Variants in DDAH1 observed in about 807,000 individuals in gnomAD.
DDAH1 encodes the protein N(G),N(G)-dimethylarginine dimethylaminohydrolase 1.
A neutral mutation model predicts 28.8 loss-of-function variants in DDAH1; 19 were observed. That is an observed-to-expected ratio of 0.66 (90% CI 0.46 to 0.97). The LOEUF is 0.97. Ranked by LOEUF, DDAH1 falls within the 50% of genes least tolerant of loss-of-function variation. The probability of loss-of-function intolerance (pLI) is 0.00; values close to 1 mark genes in which losing one functional copy is unlikely to be tolerated. For missense variants in DDAH1, 326 were observed against 375.9 expected (o/e 0.87, Z 1.10); for synonymous variants, 153 against 154.4 (o/e 0.99, Z 0.07).
intron 2 of DDAH1, among the ~76,000 whole-genome samples, chr1:85,355,324 T>G (rs1649435966): frequency 6.6e-6 from 1 of 152,160 alleles, no homozygotes; most frequent in South Asian, 2.1e-4. Flanking sequence ...TTCTAGAGAA[T>G]AGAAAAAGAG....
intron 1 of DDAH1, among the ~76,000 whole-genome samples, chr1:85,450,513 C>T (rs540577486): frequency 6.6e-6 from 1 of 152,240 alleles, no homozygotes; most frequent in Admixed American, 6.5e-5. Context: ...GATATATCAT[C>T]AAGAATAGGC....
chr1:85,444,338 A>T (rs111823570), intron 1 of DDAH1, among the ~76,000 whole-genome samples: 3,561 of 152,232 alleles, frequency 0.023, 146 homozygotes, highest in African/African-American at 0.082. Context: ...CATTTGTAGA[A>T]CCAGCCTTAC....
intron 4 of DDAH1, among the ~76,000 whole-genome samples, chr1:85,346,865 AT>A (rs1307141512): frequency 6.6e-6 from 1 of 152,222 alleles, no homozygotes; most frequent in African/African-American, 2.4e-5. Context: ...CAATCTACTC[AT>A]CTGACAAAGG....
intron 1 of DDAH1, among the ~76,000 whole-genome samples, chr1:85,391,466 CTAAATAAA>C (rs555348641): frequency 1.1e-4 from 17 of 152,106 alleles, no homozygotes; most frequent in Admixed American, 1.0e-3. Flanking sequence ...GACCCCATCT[CTAAATAAA>C]TAAATAAATA....
At chr1:85,528,211 TGTG>T (rs1657939497) in intron 1 of DDAH1, among the ~76,000 whole-genome samples, 2 of 147,762 alleles carry the variant, frequency 1.4e-5, no homozygotes, top group African/African-American at 4.9e-5. Context: ...TGCATGTATA[TGTG>T]TGTAAATGTA....
chr1:85,336,687 A>C (rs181503769), intron 4 of DDAH1, among the ~76,000 whole-genome samples: 41 of 152,178 alleles, frequency 2.7e-4, no homozygotes, highest in Admixed American at 1.0e-3. Flanking sequence ...AAAGATCAAA[A>C]CAGAATTAAA....
intron 1 of DDAH1, among the ~76,000 whole-genome samples, chr1:85,391,300 C>A (rs965860650): frequency 6.6e-6 from 1 of 152,140 alleles, no homozygotes; most frequent in African/African-American, 2.4e-5. Context: ...CAGAAGACCT[C>A]CAAATATTTT....
chr1:85,402,692 G>A (rs1404135146), intron 1 of DDAH1, among the ~76,000 whole-genome samples: 1 of 152,012 alleles, frequency 6.6e-6, no homozygotes, highest in East Asian at 1.9e-4. Context: ...GGTGGATCAC[G>A]AGGTCAGGAG....
At chr1:85,323,823 A>T (rs1456084710) in intron 5 of DDAH1, among the ~76,000 whole-genome samples, 1 of 152,068 alleles carries the variant, frequency 6.6e-6, no homozygotes, top group East Asian at 1.9e-4. Flanking sequence ...ATAAAAAATT[A>T]GCCAGGTATA....
At chr1:85,439,954 T>C (rs1043727676) in intron 1 of DDAH1, among the ~76,000 whole-genome samples, 1 of 152,226 alleles carries the variant, frequency 6.6e-6, no homozygotes, top group Non-Finnish European at 1.5e-5. Context: ...TAGCCTTTGA[T>C]ATGATGTGTC....
chr1:85,502,638 C>G (rs1231232901), intron 1 of DDAH1, among the ~76,000 whole-genome samples: 2 of 152,292 alleles, frequency 1.3e-5, no homozygotes, highest in Admixed American at 1.3e-4. Context: ...GTGGCATCAC[C>G]ACCACTGCTG....
chr1:85,563,086 G>C (rs1340414228), intron 1 of DDAH1, among the ~76,000 whole-genome samples: 5 of 152,184 alleles, frequency 3.3e-5, no homozygotes, highest in Admixed American at 1.3e-4. Flanking sequence ...TTGAAAAGAA[G>C]ATCTAAGCTG....
At chr1:85,577,147 C>CG (rs2100578790) in intron 1 of DDAH1, among the ~76,000 whole-genome samples, 1 of 152,214 alleles carries the variant, frequency 6.6e-6, no homozygotes, top group East Asian at 1.9e-4. Context: ...CGGTAGCAGC[C>CG]GGGCAGGCGC....
chr1:85,420,721 C>T (rs1420356347), intron 1 of DDAH1, among the ~76,000 whole-genome samples: 1 of 152,168 alleles, frequency 6.6e-6, no homozygotes, highest in African/African-American at 2.4e-5. Flanking sequence ...TTTCCCTTAT[C>T]TTCCTGTCTT....
intron 4 of DDAH1, among the ~76,000 whole-genome samples, chr1:85,325,443 A>G (rs2100789579): frequency 6.6e-6 from 1 of 152,298 alleles, no homozygotes; most frequent in East Asian, 1.9e-4. Flanking sequence ...TGGCCTTAAT[A>G]CAATGAGCAT....
intron 1 of DDAH1, among the ~76,000 whole-genome samples, chr1:85,519,794 A>T (rs1396443981): frequency 6.6e-6 from 1 of 152,216 alleles, no homozygotes; most frequent in Non-Finnish European, 1.5e-5. Context: ...AACATTAATT[A>T]ATATATTGAT....
At chr1:85,435,834 A>C (rs1362099230) in intron 1 of DDAH1, among the ~76,000 whole-genome samples, 1 of 152,036 alleles carries the variant, frequency 6.6e-6, no homozygotes, top group Non-Finnish European at 1.5e-5. Flanking sequence ...TCTGTTGCCC[A>C]GGTTGGAATA....
chr1:85,421,620 T>C (rs1653143928), intron 1 of DDAH1, among the ~76,000 whole-genome samples: 1 of 152,168 alleles, frequency 6.6e-6, no homozygotes, highest in African/African-American at 2.4e-5. Context: ...TCCTTCTCTC[T>C]CCCTGAGCCC....
chr1:85,572,698 A>AT (rs1189324709), intron 1 of DDAH1, among the ~76,000 whole-genome samples: 1 of 152,160 alleles, frequency 6.6e-6, no homozygotes, highest in Non-Finnish European at 1.5e-5. Flanking sequence ...CAGGCATGGC[A>AT]TTTTTTACCT....
Sources: gnomAD v4.1 joint callset for allele counts (sites outside exome capture counted in the v4.1 genomes callset) on GRCh38, gnomAD v4.1.1 for gene constraint, MANE v1.5 for transcripts, NCBI Gene and HGNC (gene_info 2026-07-23, HGNC 2026-07-21) for gene names.